The following WDR41 variants were observed in gnomAD, a reference collection of about 807,000 sequenced individuals.
WDR41 encodes WD repeat-containing protein 41.
A neutral mutation model predicts 69.3 loss-of-function variants in WDR41; 63 were observed. That is an observed-to-expected ratio of 0.91 (90% CI 0.74 to 1.12). The LOEUF is 1.12. Ranked by LOEUF, WDR41 falls within the 50% of genes most tolerant of loss-of-function variation. WDR41 has a pLI of 0.00. For synonymous variants in WDR41, 185 were observed against 192.1 expected, an observed-to-expected ratio of 0.96 and a Z score of 0.31; for missense variants, 543 against 534.5, an observed-to-expected ratio of 1.02 and a Z score of -0.16.
intron 1 of WDR41, among the ~76,000 whole-genome samples, chr5:77,558,115 A>C (rs1743447127): frequency 6.8e-6 from 1 of 146,334 alleles, no homozygotes; most frequent in Non-Finnish European, 1.5e-5. Context: ...AAAAAAAAAA[A>C]ACAAAACAGG....
chr5:77,442,760 T>A (rs1192149939), intron 8 of WDR41, among the ~76,000 whole-genome samples: 1 of 151,104 alleles, frequency 6.6e-6, no homozygotes, highest in Non-Finnish European at 1.5e-5. Flanking sequence ...GGCGTGGTGG[T>A]GGGCGCCTGT....
In WDR41 at chr5:77,609,007, G is replaced by A. The variant is rs1016419581; in HGVS notation, c.42+11472C>T. ...ACGGCGCACCGGGAGATTATATCCC[G>A]CACCTGGCTCGGAGGGTCCTATGCC... is the stretch of plus-strand genomic sequence containing the variant. On this transcript the variant is annotated intron_variant, in intron 1 of 5. Coordinates refer to the WDR41 transcript ENST00000509971. Among the ~76,000 whole-genome samples the A allele has an allele frequency of 8.5e-5, 13 of 152,188 alleles. No individual in the cohort carries two copies. The South Asian group carries it at 1.0e-3, about 12-fold the overall frequency.
intron 1 of WDR41, among the ~76,000 whole-genome samples, chr5:77,542,319 T>G (rs1743104905): frequency 6.6e-6 from 1 of 152,194 alleles, no homozygotes; most frequent in African/African-American, 2.4e-5. Context: ...AAATAGCTAA[T>G]GGGTGCTGGG....
At chr5:77,570,587 A>C (rs1743716866) in intron 1 of WDR41, among the ~76,000 whole-genome samples, 1 of 150,436 alleles carries the variant, frequency 6.6e-6, no homozygotes, top group Non-Finnish European at 1.5e-5. Context: ...ATATTTGCAT[A>C]GCTAAGCCAT....
At chr5:77,512,980 G>A (rs913861310) in intron 1 of WDR41, among the ~76,000 whole-genome samples, 11 of 151,988 alleles carry the variant, frequency 7.2e-5, no homozygotes, top group African/African-American at 2.7e-4. Context: ...TGATTAAGAC[G>A]GAATGAAAAG....
intron 10 of WDR41, 82 bp from the exon 11 acceptor site, chr5:77,437,506 G>A (rs1798990417): frequency 1.3e-5 from 16 of 1,220,486 alleles, no homozygotes; most frequent in Non-Finnish European, 1.7e-5. Context: ...GAAATCAGTG[G>A]AGCCCTCAAC....
intron 2 of WDR41, 115 bp downstream of exon 2, chr5:77,489,342 T>C (rs1801662271): frequency 3.7e-6 from 2 of 534,940 alleles, no homozygotes; most frequent in Admixed American, 7.0e-5. Context: ...ATGTTACTAA[T>C]GATCACAGTT....
At chr5:77,618,810 G>A (rs1486789221) in intron 1 of WDR41, among the ~76,000 whole-genome samples, 3 of 152,298 alleles carry the variant, frequency 2.0e-5, no homozygotes, top group African/African-American at 7.2e-5. Flanking sequence ...AATAAAGGTT[G>A]AAGACTTGCT....
intron 1 of WDR41, chr5:77,583,071 TGCTG>T (rs1743970776): frequency 6.3e-7 from 1 of 1,594,470 alleles, no homozygotes; most frequent in African/African-American, 1.3e-5. Flanking sequence ...AAGGTAGAGA[TGCTG>T]GCAACAGGGA....
intron 2 of WDR41, among the ~76,000 whole-genome samples, chr5:77,488,326 C>T (rs1242394279): frequency 1.3e-5 from 2 of 152,094 alleles, no homozygotes; most frequent in African/African-American, 4.8e-5. Flanking sequence ...GAAGGCTGAG[C>T]ACGGTGGCTG....
intron 8 of WDR41, among the ~76,000 whole-genome samples, chr5:77,441,885 A>G (rs1561729540): frequency 6.6e-6 from 1 of 151,926 alleles, no homozygotes; most frequent in African/African-American, 2.4e-5. Flanking sequence ...CAGAAAAAAA[A>G]ATGGGAAAAG....
At chr5:77,619,419 T>C (rs1472529625) in intron 1 of WDR41, among the ~76,000 whole-genome samples, 1 of 152,212 alleles carries the variant, frequency 6.6e-6, no homozygotes, top group Non-Finnish European at 1.5e-5. Flanking sequence ...TGTCTCAACC[T>C]ATCCCTGTGT....
At chr5:77,540,940 G>T (rs1743077462) in intron 1 of WDR41, among the ~76,000 whole-genome samples, 10 of 152,058 alleles carry the variant, frequency 6.6e-5, no homozygotes, top group Admixed American at 6.6e-4. Context: ...CCTGGAAAAA[G>T]AAATTTTTCT....
intron 1 of WDR41, among the ~76,000 whole-genome samples, chr5:77,595,249 G>A (rs1744207318): frequency 6.6e-6 from 1 of 152,186 alleles, no homozygotes; most frequent in Non-Finnish European, 1.5e-5. Context: ...CACAGGTATA[G>A]AGTGCGTGAC....
At chr5:77,556,194 C>A (rs1347449255) in intron 1 of WDR41, among the ~76,000 whole-genome samples, 3 of 149,510 alleles carry the variant, frequency 2.0e-5, no homozygotes, top group Non-Finnish European at 4.4e-5. Flanking sequence ...ACCTCCGACT[C>A]CCGGGTTCAA....
At chr5:77,605,056 C>A (rs1427872566) in intron 1 of WDR41, among the ~76,000 whole-genome samples, 1 of 152,162 alleles carries the variant, frequency 6.6e-6, no homozygotes, top group Non-Finnish European at 1.5e-5. Flanking sequence ...AGGCTTTCTA[C>A]TATAGACTCT....
chr5:77,471,911 C>T (rs1370795485), intron 2 of WDR41, among the ~76,000 whole-genome samples: 1 of 152,086 alleles, frequency 6.6e-6, no homozygotes, highest in Non-Finnish European at 1.5e-5. Context: ...AGAGGGAATC[C>T]TCCTTAACTC....
intron 5 of WDR41, among the ~76,000 whole-genome samples, chr5:77,454,643 A>C (rs1799757289): frequency 6.6e-6 from 1 of 152,210 alleles, no homozygotes; most frequent in African/African-American, 2.4e-5. Flanking sequence ...TACCTTTAAT[A>C]GTACTCTCCT....
chr5:77,603,172 G>A (rs569213534), intron 1 of WDR41, among the ~76,000 whole-genome samples: 81 of 152,178 alleles, frequency 5.3e-4, no homozygotes, highest in African/African-American at 1.8e-3. Context: ...TCCTGACCTC[G>A]TGATCCCCCT....
Sources: gnomAD v4.1 joint callset for allele counts (sites outside exome capture counted in the v4.1 genomes callset) on GRCh38, gnomAD v4.1.1 for gene constraint, MANE v1.5 for transcripts, NCBI Gene and HGNC (gene_info 2026-07-23, HGNC 2026-07-21) for gene names.